The following SREK1IP1 variants were observed in gnomAD, a reference collection of about 807,000 sequenced individuals.
SREK1IP1 encodes the protein SREK1 interacting protein 1.
Under a neutral mutation model 22.8 loss-of-function variants are expected in SREK1IP1, and 12 were observed. That is an observed-to-expected ratio of 0.53 (90% CI 0.34 to 0.85). SREK1IP1 has a LOEUF of 0.85. Among genes scored for constraint, SREK1IP1 ranks in the 40% least tolerant of loss-of-function variants. The pLI is 0.02. For missense variants in SREK1IP1, 147 were observed against 171.8 expected (o/e 0.86, Z 0.81); for synonymous variants, 53 against 52.7 (o/e 1.01, Z -0.02).
At chr5:64,730,691 G>C (rs182599496) in intron 3 of SREK1IP1, among the ~76,000 whole-genome samples, 2 of 152,174 alleles carry the variant, frequency 1.3e-5, no homozygotes, top group Non-Finnish European at 2.9e-5. Flanking sequence ...GTCATTAGCC[G>C]AAGGAGGAAG....
intron 1 of SREK1IP1, among the ~76,000 whole-genome samples, chr5:64,766,405 C>T (rs772921372): frequency 1.3e-5 from 2 of 152,196 alleles, no homozygotes; most frequent in African/African-American, 2.4e-5. Context: ...CAATCACCAA[C>T]TCCTAGTGAC....
intron 2 of SREK1IP1, among the ~76,000 whole-genome samples, chr5:64,745,931 G>GA (rs1434633661): frequency 1.3e-5 from 2 of 149,410 alleles, no homozygotes; most frequent in East Asian, 1.9e-4. Flanking sequence ...CAATGTAGAA[G>GA]AAAAAAAAAG....
At chr5:64,727,174 C>T (rs560042512) in intron 4 of SREK1IP1, among the ~76,000 whole-genome samples, 282 of 152,032 alleles carry the variant, frequency 1.9e-3, no homozygotes, top group Non-Finnish European at 3.3e-3. Context: ...AAAGTGGCAG[C>T]CCCTGGTTTC....
At chr5:64,762,776 G>A (rs1490667939) in intron 1 of SREK1IP1, among the ~76,000 whole-genome samples, 1 of 152,212 alleles carries the variant, frequency 6.6e-6, no homozygotes, top group Non-Finnish European at 1.5e-5. Flanking sequence ...CATAGGCCAG[G>A]TGTGGTGGCT....
intron 1 of SREK1IP1, among the ~76,000 whole-genome samples, chr5:64,755,779 T>C (rs997870811): frequency 1.5e-4 from 23 of 151,986 alleles, no homozygotes; most frequent in Admixed American, 5.9e-4. Context: ...TTCTATAGCA[T>C]TGAGGAAGAA....
intron 1 of SREK1IP1, among the ~76,000 whole-genome samples, chr5:64,767,322 C>A (rs1007676603): frequency 6.6e-6 from 1 of 152,204 alleles, no homozygotes; most frequent in East Asian, 1.9e-4. Flanking sequence ...GCACTTGTCC[C>A]ACTTTCTGTA....
At chr5:64,732,111 C>T (rs1357347181) in intron 3 of SREK1IP1, among the ~76,000 whole-genome samples, 1 of 152,134 alleles carries the variant, frequency 6.6e-6, no homozygotes, top group Non-Finnish European at 1.5e-5. Context: ...GTTATGCCAA[C>T]AGCTTTTTAG....
intron 1 of SREK1IP1, among the ~76,000 whole-genome samples, chr5:64,763,237 G>A (rs954600224): frequency 6.6e-6 from 1 of 151,954 alleles, no homozygotes; most frequent in African/African-American, 2.4e-5. Flanking sequence ...GAAGAAAAAA[G>A]GTGTAAGAAG....
rs1161212430 is a variant in SREK1IP1 at position 64,724,693 on chromosome 5, TAAA to T, written c.279-123_279-121del. On this transcript the variant is annotated intron_variant, in intron 4 of 4. Transcript: ENST00000513458. ...AAGGTAGGGAGTATAAACATAAACTTAAAAAATGCTTCATATATTTGCATTCCC... is the reference window on the plus strand; with the variant it reads ...AAGGTAGGGAGTATAAACATAAACTTAAATGCTTCATATATTTGCATTCCC... 5 of 749,384 alleles carry T rather than the reference TAAA, an allele frequency of 6.7e-6. No individual in the cohort carries two copies. The African/African-American group carries it at 9.0e-5, about 14-fold the overall frequency. The allele number at this position is 749,384 out of a possible 1,614,324, so 46.4% of individuals were successfully genotyped here.
At chr5:64,755,598 T>C (rs369568313) in intron 1 of SREK1IP1, among the ~76,000 whole-genome samples, 3 of 152,228 alleles carry the variant, frequency 2.0e-5, no homozygotes, top group East Asian at 3.9e-4. Context: ...TGTTGGGTAC[T>C]ATGCTCAGTA....
rs1742139063 is a variant in SREK1IP1 at position 64,720,458 on chromosome 5, A to T, written c.*3926T>A. On this transcript the variant is annotated 3_prime_UTR_variant, in exon 5 of 5. Transcript: ENST00000513458. ...TTTTAAAAATGGTGGGATTAATCGG[A>T]TTATGAAATTGATAAAACCAAACCC... 6.6e-6 allele frequency: 1 copy of T among 152,048 alleles called. No individual in the cohort carries two copies. Among genetic ancestry groups the T allele is most frequent in the Non-Finnish European group, 1.5e-5 (1 of 68,008 alleles). The allele number at this position is 152,048 out of a possible 1,614,324, so 9.4% of individuals were successfully genotyped here.
At position 64,741,224 on chromosome 5, in the gene SREK1IP1, T is replaced by C. The variant is rs1442455939; in HGVS notation, c.62-24A>G. On this transcript the variant is annotated intron_variant, in intron 2 of 4. Coordinates refer to ENST00000513458, the MANE Select transcript of SREK1IP1 (RefSeq NM_173829.4). ...AGCTAAGTGAAACAAACAAAAAAAA[T>C]GTGAGTGATAAAACTATAGATACAT... 3 of 1,595,848 alleles carry C rather than the reference T, an allele frequency of 1.9e-6. No individual in the cohort carries two copies. The African/African-American group carries it at 4.1e-5, about 22-fold the overall frequency.
chr5:64,729,322 G>A (rs1358872803), intron 3 of SREK1IP1, among the ~76,000 whole-genome samples: 2 of 152,186 alleles, frequency 1.3e-5, no homozygotes, highest in African/African-American at 4.8e-5. Context: ...CATTCTAAGT[G>A]AACAGCAAGG....
At chr5:64,765,599 A>G (rs1743020242) in intron 1 of SREK1IP1, among the ~76,000 whole-genome samples, 1 of 152,226 alleles carries the variant, frequency 6.6e-6, no homozygotes, top group Non-Finnish European at 1.5e-5. Flanking sequence ...GTACTTTTAC[A>G]GCACTGTCAC....
intron 1 of SREK1IP1, 62 bp downstream of exon 1, chr5:64,768,443 C>T: frequency 6.2e-7 from 1 of 1,612,124 alleles, no homozygotes; most frequent in Non-Finnish European, 8.5e-7. Flanking sequence ...CCGCACCCTA[C>T]CCTACCCTCC....
rs1476933041 is a variant in SREK1IP1 at position 64,718,182 on chromosome 5, T to C, written c.*6202A>G. 9.3e-6 allele frequency: 5 copies of C among 540,506 alleles called. No homozygotes were observed. Among genetic ancestry groups the C allele is most frequent in the Non-Finnish European group, 1.5e-5 (5 of 329,770 alleles). The allele number at this position is 540,506 out of a possible 1,614,324, so 33.5% of individuals were successfully genotyped here. A position where few individuals can be genotyped will look rare whatever the true frequency, so the allele number is the denominator to read the frequency against. Reference sequence around the variant, plus strand: ...ATTCAGTTACTTTATTAAACGCACATTAAGGTTTTATTGGTTTTCCTTTGT... The same window carrying C: ...ATTCAGTTACTTTATTAAACGCACACTAAGGTTTTATTGGTTTTCCTTTGT... On this transcript the variant is annotated 3_prime_UTR_variant, in exon 5 of 5. Coordinates refer to ENST00000513458, the MANE Select transcript of SREK1IP1 (RefSeq NM_173829.4).
chr5:64,758,104 C>T (rs1452378269), intron 1 of SREK1IP1, among the ~76,000 whole-genome samples: 1 of 151,482 alleles, frequency 6.6e-6, no homozygotes, highest in Admixed American at 6.6e-5. Context: ...TCTCGATCTC[C>T]TGACCTCGTA....
chr5:64,724,477 T>C lies in SREK1IP1; in HGVS notation c.375A>G (p.Ser125=), dbSNP rs745489772. 1.3e-5 allele frequency: 21 copies of C among 1,594,132 alleles called. No homozygotes were observed. The highest frequency in any genetic ancestry group is 4.5e-5 in the East Asian group (2 of 44,662). Residue 125 remains serine, a synonymous_variant, in exon 5 of 5, where the codon TCA becomes TCG. Coordinates refer to ENST00000513458, the MANE Select transcript of SREK1IP1 (RefSeq NM_173829.4). Reference sequence around the variant, plus strand: ...CCTTTTTGTGATGTTTCCCTTTTTTTGATTTACTCTTTTTTTCTTTTTTCT... The same window carrying C: ...CCTTTTTGTGATGTTTCCCTTTTTTCGATTTACTCTTTTTTTCTTTTTTCT... ...KEKKKEKKSK[S]KKGKHHKKEK... is the part of the protein sequence containing the mutation.
intron 1 of SREK1IP1, among the ~76,000 whole-genome samples, chr5:64,765,941 G>A (rs916542465): frequency 6.6e-6 from 1 of 152,160 alleles, no homozygotes; most frequent in African/African-American, 2.4e-5. Flanking sequence ...GGTCAACTTT[G>A]GGTGCAGCTG....
Sources: allele counts gnomAD v4.1 joint callset (sites outside exome capture counted in the v4.1 genomes callset), GRCh38; gene constraint gnomAD v4.1.1; transcripts MANE v1.5; gene names NCBI Gene and HGNC (gene_info 2026-07-23, HGNC 2026-07-21).